The following C2CD5 variants were observed in gnomAD, a reference collection of about 807,000 sequenced individuals.
C2CD5 encodes the protein C2 calcium dependent domain containing 5.
C2CD5 carries 109 observed loss-of-function variants against 130.3 expected under a neutral mutation model. That is an observed-to-expected ratio of 0.84 (90% CI 0.72 to 0.98). The LOEUF (loss-of-function observed/expected upper bound fraction) is 0.98, where lower values mean the gene tolerates loss of function less well. Ranked by LOEUF, C2CD5 falls within the 50% of genes least tolerant of loss-of-function variation. C2CD5 has a pLI of 0.00. For synonymous variants in C2CD5, 454 were observed against 429.2 expected (o/e 1.06, Z -0.71); for missense variants, 996 against 1,261.8 (o/e 0.79, Z 3.19).
At chr12:22,520,430 C>T (rs891640552) in intron 7 of C2CD5, among the ~76,000 whole-genome samples, 1 of 152,146 alleles carries the variant, frequency 6.6e-6, no homozygotes, top group Non-Finnish European at 1.5e-5. Context: ...CTAAGGTCTA[C>T]AGACTACTTT....
At chr12:22,529,574 GA>G (rs1951026102) in intron 3 of C2CD5, among the ~76,000 whole-genome samples, 2 of 152,066 alleles carry the variant, frequency 1.3e-5, no homozygotes, top group Admixed American at 1.3e-4. Context: ...TAATCATAAT[GA>G]ATTAAGAATA....
At chr12:22,538,559 C>T (rs747486333) in intron 2 of C2CD5, among the ~76,000 whole-genome samples, 1 of 152,160 alleles carries the variant, frequency 6.6e-6, no homozygotes, top group Admixed American at 6.5e-5. Flanking sequence ...AGTCACTTAA[C>T]GGAGGTTGTT....
At chr12:22,454,688 G>C (rs1401098048) in intron 25 of C2CD5, among the ~76,000 whole-genome samples, 1 of 150,494 alleles carries the variant, frequency 6.6e-6, no homozygotes, top group East Asian at 2.0e-4. Context: ...TATATACTCT[G>C]ATAGCCTCTG....
intron 20 of C2CD5, 45 bp downstream of exon 20, chr12:22,471,354 A>C: frequency 2.9e-6 from 3 of 1,035,744 alleles, no homozygotes; most frequent in Non-Finnish European, 4.5e-6. Flanking sequence ...TGAAAATAAT[A>C]AAACAGATCA....
In C2CD5 at chr12:22,523,500, C is replaced by T. The variant is rs138667340; in HGVS notation, c.726G>A (p.Ala242=). The change falls in exon 7 of 27, where the codon GCG becomes GCA. Residue 242 remains alanine (A), a synonymous_variant. Transcript: ENST00000446597. ...GGCTACTTAATTTATCCAGAGTACA[C>T]GCCGTTCCTATGGCTCGCACCACTA... ...SGLVVRAIGT[A]CTLDKLSSPA... 2.9e-5 allele frequency: 47 copies of T among 1,613,844 alleles called. No individual in the cohort carries two copies. The highest frequency in any genetic ancestry group is 3.6e-5 in the Non-Finnish European group (42 of 1,179,950).
chr12:22,479,096 C>A (rs189186010), intron 14 of C2CD5, among the ~76,000 whole-genome samples: 2 of 150,432 alleles, frequency 1.3e-5, no homozygotes, highest in African/African-American at 4.9e-5. Context: ...TTTTTTGAGA[C>A]GAAGTCCCAC....
intron 12 of C2CD5, 41 bp from the exon 13 acceptor site, chr12:22,484,929 G>T: frequency 9.6e-7 from 1 of 1,041,838 alleles, no homozygotes; most frequent in Non-Finnish European, 1.3e-6. Flanking sequence ...CTTTAAAAAT[G>T]TACCAATTTT....
intron 7 of C2CD5, among the ~76,000 whole-genome samples, chr12:22,521,953 T>C (rs1020309377): frequency 2.6e-5 from 4 of 152,130 alleles, no homozygotes; most frequent in Admixed American, 2.6e-4. Flanking sequence ...ACATTTTAGG[T>C]TTCCTGACTA....
intron 3 of C2CD5, among the ~76,000 whole-genome samples, chr12:22,533,699 GAA>G (rs1439522616): frequency 2.0e-5 from 3 of 152,208 alleles, no homozygotes; most frequent in Non-Finnish European, 2.9e-5. Context: ...AGGGAGGAAT[GAA>G]AAGAGACCTG....
At position 22,474,239 on chromosome 12, in the gene C2CD5, A is replaced by G. The variant is rs180785766; in HGVS notation, c.2043+512T>C. On this transcript the variant is annotated intron_variant, in intron 16 of 26. Coordinates refer to ENST00000446597, the MANE Select transcript of C2CD5 (RefSeq NM_001286176.2). ...AGAGGAAGCAGATCTGTGAGGAAGG[A>G]GTCTCCATAAACTTTTCATGTGACA... Among the ~76,000 whole-genome samples the G allele has an allele frequency of 3.4e-4, 52 of 152,300 alleles. 1 individual carries two copies. The highest frequency in any genetic ancestry group is 1.2e-3 in the African/African-American group (51 of 41,588).
chr12:22,534,182 T>A (rs7309674), intron 3 of C2CD5, among the ~76,000 whole-genome samples: 91,613 of 152,102 alleles, frequency 0.6, 32,179 homozygotes, highest in Non-Finnish European at 0.79. Context: ...AGCAAGACTC[T>A]GTCTATTAAA....
intron 25 of C2CD5, among the ~76,000 whole-genome samples, chr12:22,456,062 A>T (rs1364266298): frequency 6.6e-6 from 1 of 152,234 alleles, no homozygotes; most frequent in Non-Finnish European, 1.5e-5. Flanking sequence ...GCACAAAAAC[A>T]TATTGTGTTT....
chr12:22,516,429 C>G (rs932533619), intron 8 of C2CD5, among the ~76,000 whole-genome samples: 2 of 151,182 alleles, frequency 1.3e-5, no homozygotes, highest in African/African-American at 4.8e-5. Context: ...TATAGGAATA[C>G]ATGAGAATAA....
chr12:22,484,349 T>G (rs1945168322), intron 13 of C2CD5: 1 of 173,084 alleles, frequency 5.8e-6, no homozygotes, highest in Admixed American at 6.3e-5. Context: ...CACTGTTCTT[T>G]AAAAGAAAAA....
chr12:22,455,234 G>T (rs894977745), intron 25 of C2CD5, among the ~76,000 whole-genome samples: 3 of 152,000 alleles, frequency 2.0e-5, no homozygotes, highest in African/African-American at 7.2e-5. Context: ...TATATTTTTT[G>T]AGTTTTATCA....
At chr12:22,492,825 A>T (rs1358607246) in intron 11 of C2CD5, among the ~76,000 whole-genome samples, 1 of 152,206 alleles carries the variant, frequency 6.6e-6, no homozygotes, top group Non-Finnish European at 1.5e-5. Context: ...GACAAACTTT[A>T]AAGACACATT....
chr12:22,450,864 T>TTAA (rs1317299355), intron 26 of C2CD5, among the ~76,000 whole-genome samples: 1 of 152,064 alleles, frequency 6.6e-6, no homozygotes, highest in East Asian at 1.9e-4. Context: ...TACCATGGAG[T>TTAA]GTTATGTGGT....
intron 10 of C2CD5, among the ~76,000 whole-genome samples, chr12:22,495,582 A>C (rs1351252236): frequency 1.3e-5 from 2 of 152,072 alleles, no homozygotes; most frequent in African/African-American, 4.8e-5. Context: ...AAAAAGCTGA[A>C]TGCAGCGCAA....
intron 12 of C2CD5, among the ~76,000 whole-genome samples, chr12:22,487,075 A>C (rs1012655587): frequency 1.3e-5 from 2 of 152,314 alleles, no homozygotes; most frequent in African/African-American, 4.8e-5. Flanking sequence ...TAAAGACTTA[A>C]ATGTTAGACC....
Sources: gnomAD v4.1 joint callset for allele counts (sites outside exome capture counted in the v4.1 genomes callset) on GRCh38, gnomAD v4.1.1 for gene constraint, MANE v1.5 for transcripts, NCBI Gene and HGNC (gene_info 2026-07-23, HGNC 2026-07-21) for gene names.